The following ACVR1 variants were observed in gnomAD, a reference collection of about 807,000 sequenced individuals.
ACVR1 encodes activin A receptor type 1.
In ACVR1, 38 loss-of-function variants were observed where a neutral mutation model predicts 57.1. The ratio of observed to expected loss-of-function variants is 0.67; its 90% CI spans 0.51 to 0.87. The LOEUF is 0.87. Among genes scored for constraint, ACVR1 ranks in the 40% least tolerant of loss-of-function variants. The pLI is 0.00. For synonymous variants in ACVR1, 212 were observed against 228.1 expected (o/e 0.93, Z 0.63); for missense variants, 463 against 638.2 (o/e 0.73, Z 2.96).
chr2:157,867,658 T>C (rs1689984729), intron 1 of ACVR1, among the ~76,000 whole-genome samples: 1 of 142,868 alleles, frequency 7.0e-6, no homozygotes, highest in South Asian at 2.4e-4. Flanking sequence ...ATGTCCCCCA[T>C]TTTTACATGT....
chr2:157,795,383 CACACACACA>C (rs1559061419), intron 3 of ACVR1, among the ~76,000 whole-genome samples: 6 of 15,302 alleles, frequency 3.9e-4, no homozygotes, highest in Non-Finnish European at 1.5e-3. Context: ...ATAGAACACA[CACACACACA>C]CACACACACA....
At chr2:157,741,977 T>C (rs1033461660) in intron 9 of ACVR1, among the ~76,000 whole-genome samples, 1 of 151,884 alleles carries the variant, frequency 6.6e-6, no homozygotes, top group Non-Finnish European at 1.5e-5. Flanking sequence ...AGGGAGGCTA[T>C]GGGGCAAGGA....
chr2:157,822,548 A>C (rs1688195633), intron 1 of ACVR1, among the ~76,000 whole-genome samples: 1 of 152,218 alleles, frequency 6.6e-6, no homozygotes, highest in South Asian at 2.1e-4. Context: ...CATTATTTGG[A>C]TATCCAAAAA....
intron 1 of ACVR1, among the ~76,000 whole-genome samples, chr2:157,855,649 A>G (rs994837811): frequency 2.0e-5 from 3 of 152,072 alleles, no homozygotes; most frequent in Non-Finnish European, 4.4e-5. Flanking sequence ...AGAGTCAGCA[A>G]CACCGTGAGT....
At chr2:157,846,549 C>A (rs1371616729) in intron 1 of ACVR1, among the ~76,000 whole-genome samples, 1 of 152,148 alleles carries the variant, frequency 6.6e-6, no homozygotes, top group Non-Finnish European at 1.5e-5. Flanking sequence ...ACCTTTGCGA[C>A]CTTCAGAACT....
chr2:157,866,988 A>C (rs1286401179), intron 1 of ACVR1, among the ~76,000 whole-genome samples: 1 of 152,182 alleles, frequency 6.6e-6, no homozygotes, highest in Non-Finnish European at 1.5e-5. Flanking sequence ...CCAAAGCCCC[A>C]AACCCTATCT....
chr2:157,822,272 CCT>C (rs750540478), intron 1 of ACVR1, among the ~76,000 whole-genome samples: 8 of 152,192 alleles, frequency 5.3e-5, no homozygotes, highest in Non-Finnish European at 1.0e-4. Flanking sequence ...TCATTTAACC[CCT>C]GAGTTTCAGT....
intron 8 of ACVR1, among the ~76,000 whole-genome samples, chr2:157,763,283 A>G (rs1685734624): frequency 6.6e-6 from 1 of 152,234 alleles, no homozygotes; most frequent in South Asian, 2.1e-4. Context: ...GATGCCTGTA[A>G]CACTTTATTT....
At chr2:157,737,740 G>A (rs528139252) in intron 10 of ACVR1, 75 bp from the exon 11 acceptor site, 1 of 1,580,344 alleles carries the variant, frequency 6.3e-7, no homozygotes, top group East Asian at 2.2e-5. Context: ...CTGATATCAT[G>A]TCTACTATTC....
intron 1 of ACVR1, among the ~76,000 whole-genome samples, chr2:157,856,580 G>A (rs1440467844): frequency 6.6e-6 from 1 of 152,130 alleles, no homozygotes; most frequent in Non-Finnish European, 1.5e-5. Flanking sequence ...TGTGCCCCGT[G>A]GTGGTTACAA....
intron 2 of ACVR1, among the ~76,000 whole-genome samples, chr2:157,802,430 C>G (rs1269666887): frequency 6.6e-6 from 1 of 152,116 alleles, no homozygotes. Context: ...AAGGTCAGAA[C>G]GGAGGTAAGG....
intron 9 of ACVR1, among the ~76,000 whole-genome samples, chr2:157,758,615 A>G (rs1021277582): frequency 1.3e-5 from 2 of 152,104 alleles, no homozygotes; most frequent in African/African-American, 4.8e-5. Flanking sequence ...GGGGACTTCA[A>G]CATCCTACTC....
At chr2:157,820,263 A>G (rs1312371156) in intron 1 of ACVR1, among the ~76,000 whole-genome samples, 2 of 152,248 alleles carry the variant, frequency 1.3e-5, no homozygotes, top group Admixed American at 6.5e-5. Flanking sequence ...ATGCATTTCT[A>G]AAGTGGGCAT....
chr2:157,836,452 C>T (rs1688786212), intron 1 of ACVR1, among the ~76,000 whole-genome samples: 1 of 152,156 alleles, frequency 6.6e-6, no homozygotes, highest in African/African-American at 2.4e-5. Flanking sequence ...AAAAGCATTC[C>T]TTATTGCTCC....
chr2:157,825,055 TTC>T (rs965529551), intron 1 of ACVR1, among the ~76,000 whole-genome samples: 1 of 152,152 alleles, frequency 6.6e-6, no homozygotes. Context: ...AGCCACTCCT[TTC>T]TCTCTCTCTT....
chr2:157,742,529 C>T (rs1282893982), intron 9 of ACVR1, among the ~76,000 whole-genome samples: 1 of 152,176 alleles, frequency 6.6e-6, no homozygotes, highest in Non-Finnish European at 1.5e-5. Flanking sequence ...CTGATTTATA[C>T]AATAGTTTTT....
chr2:157,805,645 T>C (rs1276541287), intron 2 of ACVR1, among the ~76,000 whole-genome samples: 3 of 152,120 alleles, frequency 2.0e-5, no homozygotes, highest in African/African-American at 4.8e-5. Flanking sequence ...TAGAAGAAAC[T>C]TGCCTAAGGA....
chr2:157,858,659 T>C (rs1299452473), intron 1 of ACVR1, among the ~76,000 whole-genome samples: 2 of 152,010 alleles, frequency 1.3e-5, no homozygotes, highest in African/African-American at 4.8e-5. Context: ...AATTTTTCTA[T>C]TTTTGTCGAG....
chr2:157,792,774 T>C (rs1403171357), intron 3 of ACVR1, among the ~76,000 whole-genome samples: 1 of 152,228 alleles, frequency 6.6e-6, no homozygotes, highest in Admixed American at 6.5e-5. Flanking sequence ...AATTACTGTT[T>C]CATGAAATTT....
Sources: allele counts gnomAD v4.1 joint callset (sites outside exome capture counted in the v4.1 genomes callset), GRCh38; gene constraint gnomAD v4.1.1; transcripts MANE v1.5; gene names NCBI Gene and HGNC (gene_info 2026-07-23, HGNC 2026-07-21).